The following IKZF1 variants were observed in gnomAD, a reference collection of about 807,000 sequenced individuals.
The protein encoded by IKZF1 is DNA-binding protein Ikaros.
In IKZF1, 10 loss-of-function variants were observed where a neutral mutation model predicts 51.7. The observed-to-expected ratio is 0.19, with a 90% CI of 0.12 to 0.33. The LOEUF is 0.33. Among genes scored for constraint, IKZF1 ranks in the 10% least tolerant of loss-of-function variants. IKZF1 has a pLI of 1.00. For missense variants in IKZF1, 484 were observed against 707.5 expected, an observed-to-expected ratio of 0.68 and a Z score of 3.58; for synonymous variants, 280 against 282.3, an observed-to-expected ratio of 0.99 and a Z score of 0.08.
chr7:50,342,751 G>A (rs1444077915), intron 3 of IKZF1, among the ~76,000 whole-genome samples: 2 of 151,978 alleles, frequency 1.3e-5, no homozygotes, highest in African/African-American at 2.4e-5. Context: ...TAGCCCAAGC[G>A]GGGCCACCCT....
intron 6 of IKZF1, among the ~76,000 whole-genome samples, chr7:50,388,029 CTTCT>C (rs1813930882): frequency 6.6e-6 from 1 of 152,062 alleles, no homozygotes. Flanking sequence ...GGAAAGGTCG[CTTCT>C]TTCTTAGGAG....
In IKZF1 at chr7:50,403,171, T is replaced by G. The variant is rs551656583; in HGVS notation, c.*2544T>G. ...CACACCTTTTGTTGTGGTTTTATAT[T>G]GTAACACCATTTTTCTTTGAAACTA... On this transcript the variant is annotated 3_prime_UTR_variant, in exon 8 of 8. Transcript: ENST00000331340. 4.5e-6 allele frequency: 1 copy of G among 220,056 alleles called. No individual in the cohort carries two copies. Among genetic ancestry groups the G allele is most frequent in the East Asian group, 6.6e-5 (1 of 15,046 alleles). 13.6% of individuals were successfully genotyped at this position (220,056 alleles called of 1,614,324 possible). A position where few individuals can be genotyped will look rare whatever the true frequency, so the allele number is the denominator to read the frequency against.
At chr7:50,383,815 G>A (rs1290574510) in intron 5 of IKZF1, among the ~76,000 whole-genome samples, 1 of 152,252 alleles carries the variant, frequency 6.6e-6, no homozygotes, top group Non-Finnish European at 1.5e-5. Flanking sequence ...CAGGGAGGCA[G>A]ACGTGTGTTC....
chr7:50,369,831 T>C (rs1404222821), intron 3 of IKZF1: 1 of 364,242 alleles, frequency 2.7e-6, no homozygotes, highest in Non-Finnish European at 4.9e-6. Flanking sequence ...CTTCATTCCA[T>C]TTAAAGGCCT....
At chr7:50,385,982 A>G (rs1224284043) in intron 5 of IKZF1, among the ~76,000 whole-genome samples, 1 of 152,252 alleles carries the variant, frequency 6.6e-6, no homozygotes, top group Non-Finnish European at 1.5e-5. Context: ...GATTTAACCA[A>G]CATAAGCTTT....
chr7:50,382,396 G>T, intron 4 of IKZF1, 144 bp from the exon 5 acceptor site: 8 of 1,220,264 alleles, frequency 6.6e-6, no homozygotes, highest in Non-Finnish European at 8.7e-6. Context: ...GAGCTGGCAG[G>T]TTTAGTCTGA....
intron 1 of IKZF1, among the ~76,000 whole-genome samples, chr7:50,307,941 G>A (rs1789205111): frequency 6.6e-6 from 1 of 152,106 alleles, no homozygotes; most frequent in Non-Finnish European, 1.5e-5. Context: ...CACTCATGCT[G>A]GTGTCTTCAT....
chr7:50,388,373 C>T (rs1384156073), intron 6 of IKZF1: 1 of 152,186 alleles, frequency 6.6e-6, no homozygotes, highest in Non-Finnish European at 1.5e-5. Context: ...AGGGAAAATT[C>T]ACCAGAGTAC....
At chr7:50,378,952 A>T (rs879147567) in intron 4 of IKZF1, among the ~76,000 whole-genome samples, 2 of 152,262 alleles carry the variant, frequency 1.3e-5, no homozygotes, top group Admixed American at 6.5e-5. Context: ...TAGACATGCT[A>T]GAAAAGGTTT....
intron 3 of IKZF1, among the ~76,000 whole-genome samples, chr7:50,340,880 A>G (rs1299561060): frequency 2.6e-5 from 4 of 152,216 alleles, no homozygotes; most frequent in Non-Finnish European, 5.9e-5. Flanking sequence ...TGAGATGACA[A>G]TGGAGTTGTT....
chr7:50,327,341 AAAT>A (rs1242589781), intron 2 of IKZF1: 2 of 220,404 alleles, frequency 9.1e-6, no homozygotes, highest in Non-Finnish European at 1.8e-5. Context: ...TTGAAAAACA[AAAT>A]AATGTCACCT....
rs114482836 is a variant in IKZF1 at position 50,319,584 on chromosome 7, A to T, written c.40+483A>T. Among the ~76,000 whole-genome samples the T allele has an allele frequency of 6.3e-3, 954 of 152,306 alleles. 15 individuals carry two copies. The highest frequency in any genetic ancestry group is 0.022 in the African/African-American group (910 of 41,566). ...CTCATCCAGGAGACCCAGGAAGTGG[A>T]GAAGTCTGTAGTAGGAAAAGCCTAA... On this transcript the variant is annotated intron_variant, in intron 2 of 7. Coordinates refer to ENST00000331340, the MANE Select transcript of IKZF1 (RefSeq NM_006060.6).
At chr7:50,303,967 G>T (rs1788156226), upstream of IKZF1, 1 of 144,708 alleles carries the variant, frequency 6.9e-6, no homozygotes, top group Non-Finnish European at 1.5e-5. The surrounding 1 kb of genome is among the most constrained non-coding windows in gnomAD (Gnocchi z 4.7). Context: ...GCCGCATCCC[G>T]TGCGGGGCCG....
intron 7 of IKZF1, among the ~76,000 whole-genome samples, chr7:50,396,739 A>G (rs1273578523): frequency 6.6e-6 from 1 of 152,222 alleles, no homozygotes. Context: ...AAAGAATGCC[A>G]AAGATGGGGT....
intron 4 of IKZF1, among the ~76,000 whole-genome samples, chr7:50,379,523 A>G (rs968892352): frequency 3.3e-5 from 5 of 152,226 alleles, no homozygotes; most frequent in African/African-American, 1.2e-4. Flanking sequence ...TTCCCCACCA[A>G]TGTCTCAGGG....
intron 3 of IKZF1, among the ~76,000 whole-genome samples, chr7:50,335,857 C>A (rs1385657916): frequency 2.0e-5 from 3 of 151,858 alleles, no homozygotes; most frequent in Non-Finnish European, 4.4e-5. Context: ...GGTAGGTAGG[C>A]CTGGCTCTAT....
Position 50,376,483 on chromosome 7 carries a change from G to GTTTTTTTTTTT in IKZF1, c.161-40_161-39insTTTTTTTTTTT. The GTTTTTTTTTTT allele has an allele frequency of 7.4e-7, 1 of 1,359,386 alleles. No homozygotes were observed. Among genetic ancestry groups the GTTTTTTTTTTT allele is most frequent in the African/African-American group, 1.5e-5 (1 of 67,590 alleles). The allele number at this position is 1,359,386 out of a possible 1,614,324, so 84.2% of individuals were successfully genotyped here. A position where few individuals can be genotyped will look rare whatever the true frequency, so the allele number is the denominator to read the frequency against. On this transcript the variant is annotated intron_variant, in intron 3 of 7. Coordinates refer to ENST00000331340, the MANE Select transcript of IKZF1 (RefSeq NM_006060.6). This position sits in a 1 kb window ranked among gnomAD's most constrained non-coding sequence, Gnocchi z 4.5. ...TTTTGCTGCTGTGTTGTTTTGTTGAGTTTTTTTTTTGCAATGACACTGAGT... is the reference window on the plus strand; with the variant it reads ...TTTTGCTGCTGTGTTGTTTTGTTGAGTTTTTTTTTTTTTTTTTTTTTGCAATGACACTGAGT...
Position 50,382,666 on chromosome 7 carries a change from G to T in IKZF1, c.548G>T (p.Arg183Leu). 6.2e-7 allele frequency: 1 copy of T among 1,611,752 alleles called. No homozygotes were observed. The change falls in exon 5 of 8, where the codon CGC becomes CTC. Residue 183 changes from arginine to leucine, a missense_variant. Arg to Leu is a moderately radical substitution (Grantham distance 102). Around this residue, in one of 6 missense-constraint regions of IKZF1, gnomAD observed 53 missense variants for 167.7 expected, o/e 0.32. Coordinates refer to ENST00000331340, the MANE Select transcript of IKZF1 (RefSeq NM_006060.6). ...TGCCACCTCTGCAACTACGCCTGCC[G>T]CCGGAGGGACGCCCTCACTGGCCAC... ...FKCHLCNYAC[R>L]RRDALTGHLR... is the part of the protein sequence containing the mutation.
chr7:50,347,009 T>C (rs1023307485), intron 3 of IKZF1, among the ~76,000 whole-genome samples: 1 of 152,230 alleles, frequency 6.6e-6, no homozygotes, highest in African/African-American at 2.4e-5. Context: ...GGAACAGCCC[T>C]GAAGACATTA....
Sources: gnomAD v4.1 joint callset for allele counts (sites outside exome capture counted in the v4.1 genomes callset) on GRCh38, gnomAD v4.1.1 for gene constraint, gnomAD v4.1.1 regional missense constraint, Gnocchi (gnomAD v3.1) non-coding constraint, MANE v1.5 for transcripts, NCBI Gene and HGNC (gene_info 2026-07-23, HGNC 2026-07-21) for gene names.